The following KHDRBS2 variants were observed in gnomAD, a reference collection of about 807,000 sequenced individuals.
KHDRBS2 encodes KH domain-containing, RNA-binding, signal transduction-associated protein 2.
A neutral mutation model predicts 44.3 loss-of-function variants in KHDRBS2; 26 were observed. That is an observed-to-expected ratio of 0.59 (90% CI 0.43 to 0.81). The LOEUF (loss-of-function observed/expected upper bound fraction) is 0.81, where lower values mean the gene tolerates loss of function less well. KHDRBS2 is among the 40% of genes least tolerant of loss of function. The pLI is 0.00. For synonymous variants in KHDRBS2, 194 were observed against 151.1 expected (o/e 1.28, Z -2.08); for missense variants, 476 against 433.1 (o/e 1.10, Z -0.88).
At chr6:61,558,211 A>G in the KHDRBS2 span, among the ~76,000 whole-genome samples, 32,128 of 151,718 alleles carry the variant, frequency 0.21, 3,652 homozygotes, top group East Asian at 0.29. Flanking sequence ...TTTAAGATGA[A>G]TCATTATGTT....
chr6:62,017,861 A>G (rs982926884), intron 3 of KHDRBS2, among the ~76,000 whole-genome samples: 4 of 152,116 alleles, frequency 2.6e-5, no homozygotes, highest in African/African-American at 9.7e-5. Context: ...TTTGAATTAC[A>G]TAATTGTGGA....
chr6:62,108,553 T>G (rs1281726055), intron 2 of KHDRBS2, among the ~76,000 whole-genome samples: 1 of 152,108 alleles, frequency 6.6e-6, no homozygotes, highest in Non-Finnish European at 1.5e-5. Flanking sequence ...TCCTCAGGGA[T>G]CTAGAACTAG....
chr6:61,671,909 C>T, the KHDRBS2 span, among the ~76,000 whole-genome samples: 2 of 151,714 alleles, frequency 1.3e-5, no homozygotes, highest in African/African-American at 4.8e-5. Context: ...AGGTTAGTTA[C>T]ATATGTATAC....
At chr6:61,657,962 A>C in the KHDRBS2 span, among the ~76,000 whole-genome samples, 2 of 151,992 alleles carry the variant, frequency 1.3e-5, no homozygotes, top group African/African-American at 4.8e-5. Context: ...TTAAGCCTTC[A>C]AATGGACACC....
the KHDRBS2 span, among the ~76,000 whole-genome samples, chr6:61,609,228 G>A: frequency 2.1e-4 from 32 of 152,124 alleles, no homozygotes; most frequent in Non-Finnish European, 3.7e-4. Flanking sequence ...GCATGGTGGT[G>A]TGCACCTGTA....
At chr6:61,607,889 T>G in the KHDRBS2 span, among the ~76,000 whole-genome samples, 1 of 152,164 alleles carries the variant, frequency 6.6e-6, no homozygotes, top group South Asian at 2.1e-4. Context: ...GGTTTCACCA[T>G]GTTGGCCAGG....
chr6:62,095,916 G>A lies in KHDRBS2; in HGVS notation c.220-47922C>T, dbSNP rs371141397. 1.8e-4 allele frequency among the ~76,000 whole-genome samples: 28 copies of A among 151,772 alleles called. No individual in the cohort carries two copies. The South Asian group carries it at 2.9e-3, about 16-fold the overall frequency. On this transcript the variant is annotated intron_variant, in intron 2 of 8. Coordinates refer to ENST00000281156, the MANE Select transcript of KHDRBS2 (RefSeq NM_152688.4). Reference sequence around the variant, plus strand: ...CTTCTATTACTAACTTGTTGAAAGCGTCTATCATAAAGGGATGTGGAATTT... The same window carrying A: ...CTTCTATTACTAACTTGTTGAAAGCATCTATCATAAAGGGATGTGGAATTT...
At chr6:61,569,794 CTGGCTGGG>C in the KHDRBS2 span, among the ~76,000 whole-genome samples, 5 of 152,124 alleles carry the variant, frequency 3.3e-5, no homozygotes, top group Non-Finnish European at 7.4e-5. Flanking sequence ...GCCTGGTAGC[CTGGCTGGG>C]TGGCTAGATT....
intron 4 of KHDRBS2, among the ~76,000 whole-genome samples, chr6:61,945,535 A>C (rs941908795): frequency 6.6e-6 from 1 of 152,002 alleles, no homozygotes; most frequent in African/African-American, 2.4e-5. Flanking sequence ...ATATTCAAAC[A>C]CATGTAGGAA....
chr6:61,705,171 T>G (rs953726486), intron 7 of KHDRBS2, among the ~76,000 whole-genome samples: 1 of 151,806 alleles, frequency 6.6e-6, no homozygotes, highest in Admixed American at 6.6e-5. Context: ...TTGCCAAAAT[T>G]TTAATAACAT....
At chr6:61,870,723 C>T (rs1390633813) in intron 6 of KHDRBS2, among the ~76,000 whole-genome samples, 2 of 152,052 alleles carry the variant, frequency 1.3e-5, no homozygotes, top group African/African-American at 2.4e-5. Context: ...TGGTGATACC[C>T]AGGGAAACAG....
chr6:61,608,259 T>C, the KHDRBS2 span, among the ~76,000 whole-genome samples: 177 of 151,882 alleles, frequency 1.2e-3, no homozygotes, highest in African/African-American at 4.1e-3. Flanking sequence ...TATACACATA[T>C]ATACTCACAT....
chr6:62,273,930 C>G (rs1294534468), intron 1 of KHDRBS2, among the ~76,000 whole-genome samples: 1 of 151,958 alleles, frequency 6.6e-6, no homozygotes, highest in Non-Finnish European at 1.5e-5. Context: ...TTACATTTTA[C>G]TTGAATTCTT....
intron 1 of KHDRBS2, among the ~76,000 whole-genome samples, chr6:62,231,391 T>A (rs557834894): frequency 9.9e-5 from 15 of 152,220 alleles, no homozygotes; most frequent in African/African-American, 3.6e-4. Context: ...CAGACACTTA[T>A]AAAATCATCA....
chr6:61,780,336 C>T (rs1188808435), intron 6 of KHDRBS2, among the ~76,000 whole-genome samples: 1 of 151,986 alleles, frequency 6.6e-6, no homozygotes, highest in East Asian at 1.9e-4. Context: ...CCCATCTCTA[C>T]TAAAAACACA....
At chr6:61,870,386 C>A (rs908430279) in intron 6 of KHDRBS2, among the ~76,000 whole-genome samples, 1 of 152,136 alleles carries the variant, frequency 6.6e-6, no homozygotes, top group African/African-American at 2.4e-5. Context: ...AAGGCAGCAG[C>A]CTCATTCAGG....
the KHDRBS2 span, among the ~76,000 whole-genome samples, chr6:61,605,259 T>C: frequency 6.6e-6 from 1 of 152,116 alleles, no homozygotes; most frequent in African/African-American, 2.4e-5. Context: ...CCTACTATTT[T>C]CTGTCTAGTC....
chr6:62,210,837 C>A (rs1239353482), intron 1 of KHDRBS2, among the ~76,000 whole-genome samples: 5 of 151,956 alleles, frequency 3.3e-5, no homozygotes, highest in Non-Finnish European at 5.9e-5. Context: ...CAGAGAGTTA[C>A]CCTCTAAAAT....
chr6:62,062,297 C>T (rs1382777430), intron 2 of KHDRBS2, among the ~76,000 whole-genome samples: 3 of 147,146 alleles, frequency 2.0e-5, no homozygotes, highest in South Asian at 4.5e-4. Flanking sequence ...GTCTACAGAA[C>T]TTTCCACCCC....
Sources: allele counts gnomAD v4.1 joint callset (sites outside exome capture counted in the v4.1 genomes callset), GRCh38; gene constraint gnomAD v4.1.1; transcripts MANE v1.5; gene names NCBI Gene and HGNC (gene_info 2026-07-23, HGNC 2026-07-21).